The following CMTM7 variants were observed in gnomAD, a reference collection of about 807,000 sequenced individuals.
CMTM7 encodes the protein CKLF-like MARVEL transmembrane domain-containing protein 7.
Under a neutral mutation model 19.3 loss-of-function variants are expected in CMTM7, and 7 were observed. The observed-to-expected ratio is 0.36, with a 90% CI of 0.21 to 0.68. The LOEUF is 0.68. Ranked by LOEUF, CMTM7 falls within the 30% of genes least tolerant of loss-of-function variation. The pLI is 0.60. For synonymous variants in CMTM7, 87 were observed against 99.3 expected (o/e 0.88, Z 0.74); for missense variants, 193 against 232.6 (o/e 0.83, Z 1.11).
At chr3:32,415,226 C>G (rs1395339765) in intron 1 of CMTM7, among the ~76,000 whole-genome samples, 4 of 151,052 alleles carry the variant, frequency 2.6e-5, no homozygotes, top group African/African-American at 9.7e-5. Context: ...TAAACTTTGG[C>G]TGAGGGGCCC....
chr3:32,437,780 A>G (rs1696620337), intron 1 of CMTM7, among the ~76,000 whole-genome samples: 1 of 152,112 alleles, frequency 6.6e-6, no homozygotes, highest in South Asian at 2.1e-4. Flanking sequence ...AATCCCAGCT[A>G]CTTGTGAGGC....
intron 1 of CMTM7, among the ~76,000 whole-genome samples, chr3:32,415,685 T>A (rs1354973927): frequency 6.6e-6 from 1 of 152,230 alleles, no homozygotes. Context: ...ATGTTAGTTA[T>A]TTTTTTATTA....
At chr3:32,425,268 A>T (rs1453317752) in intron 1 of CMTM7, among the ~76,000 whole-genome samples, 1 of 152,194 alleles carries the variant, frequency 6.6e-6, no homozygotes, top group African/African-American at 2.4e-5. Context: ...TCGGCTCCTT[A>T]TAAAAAAAGC....
intron 1 of CMTM7, among the ~76,000 whole-genome samples, chr3:32,404,230 G>A (rs1256165507): frequency 1.5e-5 from 2 of 135,246 alleles, no homozygotes; most frequent in African/African-American, 5.9e-5. Context: ...GCTCAATCTC[G>A]GCCCACTGCA....
intron 1 of CMTM7, among the ~76,000 whole-genome samples, chr3:32,438,993 T>G (rs1696639010): frequency 6.6e-6 from 1 of 152,222 alleles, no homozygotes; most frequent in African/African-American, 2.4e-5. Context: ...CAGTCATGCC[T>G]TGAATAATGA....
intron 1 of CMTM7, among the ~76,000 whole-genome samples, chr3:32,427,009 T>C (rs1314657105): frequency 6.6e-6 from 1 of 152,224 alleles, no homozygotes; most frequent in Non-Finnish European, 1.5e-5. Flanking sequence ...CCCTCATAAC[T>C]TCCTAATAGA....
chr3:32,444,208 T>A (rs1380044354), intron 2 of CMTM7, among the ~76,000 whole-genome samples: 2 of 152,254 alleles, frequency 1.3e-5, no homozygotes, highest in Non-Finnish European at 2.9e-5. Context: ...AGGTATTTGA[T>A]CCATTTTGAG....
At chr3:32,433,562 G>A (rs141073827) in intron 1 of CMTM7, among the ~76,000 whole-genome samples, 2 of 152,264 alleles carry the variant, frequency 1.3e-5, no homozygotes, top group African/African-American at 4.8e-5. Flanking sequence ...ATGTTCTGAG[G>A]GCAGCCTCCA....
rs540253463 is a variant in CMTM7 at position 32,451,973 on chromosome 3, T to C, written c.433-419T>C. ...GAACAGAAAGTCATTACAAATGAAATGCGAACAACGCCACTACACCACAAA... is the reference window on the plus strand; with the variant it reads ...GAACAGAAAGTCATTACAAATGAAACGCGAACAACGCCACTACACCACAAA... On this transcript the variant is annotated intron_variant, in intron 3 of 4. Transcript: ENST00000334983. 1.2e-4 allele frequency: 93 copies of C among 802,356 alleles called. 2 individuals are homozygous for C. The South Asian group carries it at 1.3e-3, about 11-fold the overall frequency. The allele number at this position is 802,356 out of a possible 1,614,324, so 49.7% of individuals were successfully genotyped here.
chr3:32,450,913 A>T (rs1332875057), intron 3 of CMTM7: 2 of 152,240 alleles, frequency 1.3e-5, no homozygotes, highest in African/African-American at 4.8e-5. Context: ...AGAAATTTTT[A>T]AAATATGGTC....
At chr3:32,403,073 T>G (rs2125620966) in intron 1 of CMTM7, among the ~76,000 whole-genome samples, 1 of 151,940 alleles carries the variant, frequency 6.6e-6, no homozygotes, top group South Asian at 2.1e-4. Flanking sequence ...CTCTCAACAT[T>G]GTTTGTGAAA....
At chr3:32,441,070 C>T (rs1013342075) in intron 1 of CMTM7, among the ~76,000 whole-genome samples, 2 of 152,240 alleles carry the variant, frequency 1.3e-5, no homozygotes, top group African/African-American at 4.8e-5. Flanking sequence ...ACCTCTTAAA[C>T]AGGATTCCTG....
chr3:32,430,630 T>C (rs1696502445), intron 1 of CMTM7, among the ~76,000 whole-genome samples: 2 of 151,158 alleles, frequency 1.3e-5, no homozygotes, highest in Non-Finnish European at 2.9e-5. Flanking sequence ...GTGCGCTTAG[T>C]AGCCTGCTTG....
intron 1 of CMTM7, among the ~76,000 whole-genome samples, chr3:32,404,973 G>A (rs4635747): frequency 0.12 from 18,487 of 152,246 alleles, 1,210 homozygotes; most frequent in South Asian, 0.17. Flanking sequence ...CTGAAGAAGT[G>A]AACTGCCTTG....
At chr3:32,423,181 G>A (rs897190294) in intron 1 of CMTM7, among the ~76,000 whole-genome samples, 2 of 152,164 alleles carry the variant, frequency 1.3e-5, no homozygotes, top group Non-Finnish European at 2.9e-5. Flanking sequence ...CACTGTCCAC[G>A]TGCCTCTCAT....
At chr3:32,404,142 C>CTTTTTTTTCTTTTTTTTTTTTTTTTT (rs1559401304) in intron 1 of CMTM7, among the ~76,000 whole-genome samples, 7 of 109,232 alleles carry the variant, frequency 6.4e-5, no homozygotes, top group African/African-American at 8.5e-5. Context: ...TTCTTTCTTT[C>CTTTTTTTTCTTTTTTTTTTTTTTTTT]TTTTTTTTTC....
chr3:32,448,779 A>AG (rs1352946473), intron 2 of CMTM7, among the ~76,000 whole-genome samples: 2 of 150,964 alleles, frequency 1.3e-5, no homozygotes, highest in African/African-American at 2.5e-5. Flanking sequence ...AGGGAATGAC[A>AG]GGAAAAAAAA....
chr3:32,401,917 G>A (rs895076103), intron 1 of CMTM7, among the ~76,000 whole-genome samples: 1 of 152,204 alleles, frequency 6.6e-6, no homozygotes, highest in Non-Finnish European at 1.5e-5. Flanking sequence ...GCGCTCCTGG[G>A]CGGAAATCGC....
intron 2 of CMTM7, among the ~76,000 whole-genome samples, chr3:32,446,077 G>C (rs1696749476): frequency 6.6e-6 from 1 of 152,136 alleles, no homozygotes; most frequent in South Asian, 2.1e-4. Flanking sequence ...GAAAGAGTTT[G>C]TGCAGAATTG....
Sources: gnomAD v4.1 joint callset for allele counts (sites outside exome capture counted in the v4.1 genomes callset) on GRCh38, gnomAD v4.1.1 for gene constraint, MANE v1.5 for transcripts, NCBI Gene and HGNC (gene_info 2026-07-23, HGNC 2026-07-21) for gene names.